Variants in TENM1 observed in about 807,000 individuals in gnomAD.
TENM1 encodes teneurin transmembrane protein 1, also known as teneurin-1.
In TENM1, 35 loss-of-function variants were observed where a neutral mutation model predicts 174.8. That is an observed-to-expected ratio of 0.20 (90% confidence interval 0.15 to 0.27). The LOEUF is 0.27. TENM1 is among the 10% of genes least tolerant of loss of function. The pLI is 1.00. For missense variants in TENM1, 1,633 were observed against 2,130.1 expected, an observed-to-expected ratio of 0.77 and a Z score of 4.59; for synonymous variants, 781 against 798.7, an observed-to-expected ratio of 0.98 and a Z score of 0.37.
Position 124,713,246 on chromosome X carries a change from G to A in TENM1, c.777-7995C>T, listed in dbSNP as rs937008311. On this transcript the variant is annotated intron_variant, in intron 4 of 31. Coordinates refer to ENST00000422452, the Ensembl canonical transcript of TENM1. ...ATAGAAATACTCTGTAGTCTAGATC[G>A]TTACTATCGTGATTTGCAAAAAAAA... 3.6e-5 allele frequency among the ~76,000 whole-genome samples: 4 copies of A among 110,989 alleles called. No individual in the cohort carries two copies. The East Asian group carries it at 1.1e-3, about 31-fold the overall frequency.
exon 10 of TENM1, chrX:124,645,248 C>T (rs201117886): frequency 1.7e-5 from 21 of 1,209,838 alleles, no homozygotes; most frequent in African/African-American, 5.2e-5. Context: ...TCTTCCGGAA[C>T]GTCACACTCT....
chrX:124,459,800 G>T (rs897749650), intron 22 of TENM1, among the ~76,000 whole-genome samples: 2 of 111,237 alleles, frequency 1.8e-5, no homozygotes, highest in African/African-American at 6.5e-5. Flanking sequence ...TACAGAATGG[G>T]AGAAAATTTT....
chrX:124,738,064 T>A (rs754838987), intron 3 of TENM1, among the ~76,000 whole-genome samples: 69 of 112,080 alleles, frequency 6.2e-4, no homozygotes, highest in Non-Finnish European at 1.1e-3. Flanking sequence ...ATTTGGCCCA[T>A]GAGAAATACC....
chrX:125,112,116 T>C, the TENM1 span, among the ~76,000 whole-genome samples: 23,482 of 102,139 alleles, frequency 0.23, 4,447 homozygotes, highest in African/African-American at 0.63. Flanking sequence ...ATAGTAGCAA[T>C]GTGTTTGTTT....
At chrX:124,422,341 T>A (rs1287096707) in exon 24 of TENM1, 21 of 1,211,295 alleles carry the variant, frequency 1.7e-5, no homozygotes, top group Admixed American at 2.2e-5. Context: ...ATGATGTAGA[T>A]CTCCCCATTG....
rs754272090 is a variant in TENM1 at position 124,826,579 on chromosome X, C to T, written c.535+67717G>A. ...CATGTGGCAAGTGTTAAACGAAAGG[C>T]AAGATGTAACATTACATAAATAATA... On this transcript the variant is annotated intron_variant, in intron 3 of 31. Transcript: ENST00000422452. Among the ~76,000 whole-genome samples, 7 of 111,274 alleles carry T rather than the reference C, an allele frequency of 6.3e-5. No individual in the cohort carries two copies. In the East Asian group the frequency reaches 1.7e-3, roughly 27 times the overall value.
chrX:124,999,826 G>A, the TENM1 span, among the ~76,000 whole-genome samples: 1 of 111,285 alleles, frequency 9.0e-6, no homozygotes, highest in Admixed American at 9.6e-5. Context: ...TTGAGTAAAG[G>A]CCCTCCCACT....
At chrX:124,770,595 G>T (rs1285369449) in intron 3 of TENM1, among the ~76,000 whole-genome samples, 1 of 110,259 alleles carries the variant, frequency 9.1e-6, no homozygotes, top group African/African-American at 3.3e-5. Flanking sequence ...TTTTTGTAGA[G>T]ACAGGGTTTG....
chrX:124,505,715 A>G (rs747700339), intron 18 of TENM1, among the ~76,000 whole-genome samples: 2 of 111,330 alleles, frequency 1.8e-5, no homozygotes, highest in African/African-American at 6.5e-5. Flanking sequence ...TTGTGAGTCT[A>G]ATTAAAGTTA....
chrX:125,042,653 G>T, the TENM1 span, among the ~76,000 whole-genome samples: 21 of 111,599 alleles, frequency 1.9e-4, no homozygotes, highest in African/African-American at 6.8e-4. Context: ...CCACCAGAGT[G>T]CAGTAGGTGG....
intron 22 of TENM1, among the ~76,000 whole-genome samples, chrX:124,458,013 T>C (rs1019046019): frequency 8.9e-6 from 1 of 111,916 alleles, no homozygotes; most frequent in Non-Finnish European, 1.9e-5. Context: ...CAAAGATAAA[T>C]GGTTAAATCA....
At chrX:124,538,054 T>G (rs1248620234) in intron 15 of TENM1, among the ~76,000 whole-genome samples, 1 of 112,181 alleles carries the variant, frequency 8.9e-6, no homozygotes, top group Admixed American at 9.5e-5. Flanking sequence ...GAAGTGAAAG[T>G]CTCACATTGT....
At chrX:124,396,318 T>TTTTTTTTTTTTTTTGTG (rs1569529045) in intron 27 of TENM1, among the ~76,000 whole-genome samples, 1 of 101,551 alleles carries the variant, frequency 9.8e-6, no homozygotes, top group Admixed American at 1.1e-4. Flanking sequence ...TTTTTTTTTT[T>TTTTTTTTTTTTTTTGTG]CGAGCCGGAG....
chrX:124,833,387 G>A (rs2056329768), intron 3 of TENM1, among the ~76,000 whole-genome samples: 1 of 112,113 alleles, frequency 8.9e-6, no homozygotes, highest in African/African-American at 3.2e-5. Flanking sequence ...GAGCCATAGT[G>A]TTAACTGAAC....
intron 11 of TENM1, among the ~76,000 whole-genome samples, chrX:124,601,822 GTA>G (rs895950034): frequency 2.7e-5 from 3 of 110,423 alleles, no homozygotes; most frequent in African/African-American, 9.9e-5. Context: ...GGATTTTAGA[GTA>G]TTTGCAAGAG....
intron 3 of TENM1, among the ~76,000 whole-genome samples, chrX:124,853,690 A>T (rs780201890): frequency 1.8e-5 from 2 of 110,753 alleles, no homozygotes; most frequent in Non-Finnish European, 3.8e-5. Context: ...GTGCAGTAAG[A>T]ATGGGGAACT....
At chrX:125,201,368 T>A in the TENM1 span, among the ~76,000 whole-genome samples, 1 of 112,436 alleles carries the variant, frequency 8.9e-6, no homozygotes, top group African/African-American at 3.2e-5. Context: ...ATATTTGAAA[T>A]CTTAATCACC....
At chrX:124,563,896 C>A (rs2048883455) in intron 12 of TENM1, 124 bp from the exon 16 acceptor site, 1 of 527,052 alleles carries the variant, frequency 1.9e-6, no homozygotes, top group Non-Finnish European at 2.9e-6. Context: ...TGCTGAAATG[C>A]CTGCAGCTCA....
chrX:124,430,674 AT>A (rs2060770537), intron 23 of TENM1, among the ~76,000 whole-genome samples: 1 of 111,790 alleles, frequency 8.9e-6, no homozygotes, highest in Non-Finnish European at 1.9e-5. Context: ...TCATATAGTC[AT>A]GCTTTCAAGG....
Sources: gnomAD v4.1 joint callset for allele counts (sites outside exome capture counted in the v4.1 genomes callset) on GRCh38, gnomAD v4.1.1 for gene constraint, MANE v1.5 for transcripts, NCBI Gene and HGNC (gene_info 2026-07-23, HGNC 2026-07-21) for gene names.